Variants in RASAL1 observed in about 807,000 individuals in gnomAD.
RASAL1 encodes rasGAP-activating-like protein 1.
Under a neutral mutation model 96.6 loss-of-function variants are expected in RASAL1, and 72 were observed. That is an observed-to-expected ratio of 0.75 (90% confidence interval 0.62 to 0.91). The LOEUF (loss-of-function observed/expected upper bound fraction) is 0.91. RASAL1 is among the 40% of genes least tolerant of loss of function. The probability of loss-of-function intolerance (pLI) is 0.00; values close to 1 mark genes in which losing one functional copy is unlikely to be tolerated. For synonymous variants in RASAL1, 405 were observed against 430.4 expected, an observed-to-expected ratio of 0.94 and a Z score of 0.73; for missense variants, 1,016 against 1,072.5, an observed-to-expected ratio of 0.95 and a Z score of 0.74.
intron 4 of RASAL1, among the ~76,000 whole-genome samples, chr12:113,123,272 A>C (rs531365565): frequency 3.9e-5 from 6 of 152,124 alleles, no homozygotes; most frequent in Non-Finnish European, 7.4e-5. Context: ...TCTGCTGACT[A>C]TTGCCCATGG....
At chr12:113,125,368 T>A (rs1204584335) in intron 4 of RASAL1, among the ~76,000 whole-genome samples, 1 of 152,108 alleles carries the variant, frequency 6.6e-6, no homozygotes, top group Non-Finnish European at 1.5e-5. Context: ...AAGAAGTAAC[T>A]GCCCAAATAT....
At chr12:113,120,379 C>CA (rs1435649318) in intron 5 of RASAL1, among the ~76,000 whole-genome samples, 1 of 152,160 alleles carries the variant, frequency 6.6e-6, no homozygotes, top group East Asian at 1.9e-4. Flanking sequence ...CTCAGCCTGT[C>CA]ACCTGCCTCC....
At chr12:113,103,742 C>T (rs1950543611) in intron 18 of RASAL1, 1 of 710,280 alleles carries the variant, frequency 1.4e-6, no homozygotes, top group Non-Finnish European at 2.3e-6. Context: ...GCGTCCTATG[C>T]TCTTTGTGTA....
chr12:113,101,794 A>G, intron 19 of RASAL1, 95 bp downstream of exon 19: 1 of 1,462,596 alleles, frequency 6.8e-7, no homozygotes, highest in Non-Finnish European at 9.1e-7. Context: ...ACCAACACAC[A>G]TGGGAAGAAT....
At chr12:113,116,335 G>T (rs1951082430) in intron 8 of RASAL1, among the ~76,000 whole-genome samples, 2 of 152,028 alleles carry the variant, frequency 1.3e-5, no homozygotes, top group Non-Finnish European at 2.9e-5. Context: ...ACTCCAGCCT[G>T]CGTGACAGAG....
intron 16 of RASAL1, 122 bp from the exon 17 acceptor site, chr12:113,104,420 A>C (rs1041672253): frequency 4.2e-6 from 4 of 950,648 alleles, no homozygotes; most frequent in African/African-American, 3.2e-5. Flanking sequence ...TCAACCCTGT[A>C]AGTCTGTGCT....
chr12:113,119,362 T>C lies in RASAL1; in HGVS notation c.510A>G (p.Ser170=), dbSNP rs1316427280. The change falls in exon 6 of 21, where the codon TCA becomes TCG. Residue 170 remains serine (S), a splice_region_variant and synonymous_variant. Coordinates refer to ENST00000548055, the MANE Select transcript of RASAL1 (RefSeq NM_001301202.2). ...VFWGSQSLET[S]TIKKTRFPHW... ...CCTGGCTTCATTCCCCACCACTCAC[T>C]GAGGTCTCCAAGCTCTGGCTGCCCC... The C allele has an allele frequency of 6.2e-7, 1 of 1,613,142 alleles. No individual in the cohort carries two copies.
At chr12:113,103,749 T>C (rs1482647642) in intron 18 of RASAL1, 197 bp downstream of exon 18, 5 of 739,876 alleles carry the variant, frequency 6.8e-6, no homozygotes, top group Non-Finnish European at 1.1e-5. Flanking sequence ...ATGCTCTTTG[T>C]GTAAATCAAG....
intron 5 of RASAL1, among the ~76,000 whole-genome samples, chr12:113,121,131 G>A (rs974248118): frequency 2.0e-5 from 3 of 152,152 alleles, no homozygotes; most frequent in African/African-American, 4.8e-5. Flanking sequence ...TAATGGCATC[G>A]TTTGAACACC....
At chr12:113,133,297 C>G (rs1036170542) in intron 1 of RASAL1, among the ~76,000 whole-genome samples, 1 of 152,248 alleles carries the variant, frequency 6.6e-6, no homozygotes, top group African/African-American at 2.4e-5. Flanking sequence ...CGGCCCCTGA[C>G]TCAGCTCAGT....
Position 113,100,654 on chromosome 12 carries a change from A to T in RASAL1, c.2252T>A (p.Met751Lys). The change falls in exon 20 of 21, where the codon ATG becomes AAG. Residue 751 changes from methionine to lysine, a missense_variant. Physicochemically the swap from Met to Lys is moderately conservative, Grantham distance 95. Coordinates refer to ENST00000548055, the MANE Select transcript of RASAL1 (RefSeq NM_001301202.2). The stretch of plus-strand genomic sequence containing the variant: ...TGTGTCTGCCTCCAGAGTTGTATCC[A>T]TGTTAGAATCCTCCAGTAATTTCAG... The part of the protein sequence containing the change: ...LRLKLLEDSN[M>K]DTTLEADTGA... 5.0e-6 allele frequency: 8 copies of T among 1,610,360 alleles called. No homozygotes were observed. Among genetic ancestry groups the T allele is most frequent in the Non-Finnish European group, 6.8e-6 (8 of 1,177,136 alleles).
intron 19 of RASAL1, among the ~76,000 whole-genome samples, 193 bp from the exon 20 acceptor site, chr12:113,100,873 C>T (rs1325646301): frequency 6.6e-6 from 1 of 152,190 alleles, no homozygotes; most frequent in Non-Finnish European, 1.5e-5. Context: ...TGTATTAACT[C>T]ATTTAATTAT....
At position 113,115,399 on chromosome 12, in the gene RASAL1, T is replaced by C; in HGVS notation, c.1004-135A>G. Reference sequence around the variant, plus strand: ...CCCAAAACATCAACCCCATTCACAGTACAGAGGCCCGGAGTGGTTAAGTGA... The same window carrying C: ...CCCAAAACATCAACCCCATTCACAGCACAGAGGCCCGGAGTGGTTAAGTGA... On this transcript the variant is annotated intron_variant, in intron 10 of 20. Transcript: ENST00000548055. The surrounding 1 kb of genome is among the most constrained non-coding windows in gnomAD (Gnocchi z 4.1). 9.8e-7 allele frequency: 1 copy of C among 1,018,568 alleles called. No individual in the cohort carries two copies. Among genetic ancestry groups the C allele is most frequent in the South Asian group, 1.4e-5 (1 of 70,946 alleles). The allele number at this position is 1,018,568 out of a possible 1,614,324, so 63.1% of individuals were successfully genotyped here.
Position 113,119,222 on chromosome 12 carries a change from AC to A in RASAL1, c.547del (p.Val183CysfsTer70), listed in dbSNP as rs1309181435. 6.2e-7 allele frequency: 1 copy of A among 1,613,892 alleles called. No homozygotes were observed. The highest frequency in any genetic ancestry group is 1.7e-4 in the Middle Eastern group (1 of 6,060). On this transcript the variant is annotated frameshift_variant, in exon 7 of 21. Transcript: ENST00000548055. LOFTEE classifies it high-confidence loss of function. ...KKTRFPHWDE[V>X]LELREMPGAP... is the part of the protein sequence containing the mutation. ...ACCTGGCATCTCCCGCAGCTCCAGCACTTCATCCCAGTGCGGGAAGCGAGTC... is the reference window on the plus strand; with the variant it reads ...ACCTGGCATCTCCCGCAGCTCCAGCATTCATCCCAGTGCGGGAAGCGAGTC...
chr12:113,107,022 G>A (rs1233692477), intron 15 of RASAL1, 75 bp downstream of exon 15: 1 of 1,451,538 alleles, frequency 6.9e-7, no homozygotes, highest in African/African-American at 1.4e-5. Flanking sequence ...GGAGCTGGAG[G>A]GGGAAAGGGG....
At position 113,129,724 on chromosome 12, in the gene RASAL1, A is replaced by G. The variant is rs894800794; in HGVS notation, c.122+1161T>C. 1.5e-4 allele frequency among the ~76,000 whole-genome samples: 22 copies of G among 151,702 alleles called. No individual in the cohort carries two copies. Among genetic ancestry groups the G allele is most frequent in the African/African-American group, 2.7e-4 (11 of 41,352 alleles). On this transcript the variant is annotated intron_variant, in intron 2 of 20. Transcript: ENST00000548055. The surrounding 1 kb of genome is among the most constrained non-coding windows in gnomAD (Gnocchi z 5.0). ...AGTGCACATATGCGCGCGTGCGCGC[A>G]CACACACACACACACCCCGCCTTCT...
chr12:113,133,853 G>A (rs1316296016), intron 1 of RASAL1, among the ~76,000 whole-genome samples: 1 of 152,230 alleles, frequency 6.6e-6, no homozygotes, highest in Admixed American at 6.5e-5. Flanking sequence ...TTGGGGGCAG[G>A]AAGTTTGGCC....
chr12:113,100,809 C>A (rs1446183190), intron 19 of RASAL1, 129 bp from the exon 20 acceptor site: 1 of 711,804 alleles, frequency 1.4e-6, no homozygotes, highest in African/African-American at 1.8e-5. Flanking sequence ...TCATCATCAT[C>A]ATCTACACAG....
upstream of RASAL1, among the ~76,000 whole-genome samples, chr12:113,136,658 G>A (rs192121577): frequency 3.3e-5 from 5 of 152,354 alleles, no homozygotes; most frequent in Non-Finnish European, 7.3e-5. Flanking sequence ...GTTGAGTGAG[G>A]ATGACATTGC....
Sources: allele counts gnomAD v4.1 joint callset (sites outside exome capture counted in the v4.1 genomes callset), GRCh38; gene constraint gnomAD v4.1.1; non-coding constraint Gnocchi (gnomAD v3.1); transcripts MANE v1.5; gene names NCBI Gene and HGNC (gene_info 2026-07-23, HGNC 2026-07-21).